Variants in WDR7 observed in about 807,000 individuals in gnomAD.
The protein encoded by WDR7 is WD repeat domain 7, also known as WD repeat-containing protein 7.
In WDR7, 46 loss-of-function variants were observed where a neutral mutation model predicts 169.4. That is an observed-to-expected ratio of 0.27 (90% CI 0.21 to 0.35). WDR7 has a LOEUF of 0.35. Ranked by LOEUF, WDR7 falls within the 10% of genes least tolerant of loss-of-function variation. The pLI is 1.00. For missense variants in WDR7, 1,534 were observed against 1,859.3 expected (o/e 0.83, Z 3.22); for synonymous variants, 612 against 666.8 (o/e 0.92, Z 1.27).
intron 19 of WDR7, among the ~76,000 whole-genome samples, chr18:56,788,578 T>G (rs1183903811): frequency 6.6e-6 from 1 of 152,160 alleles, no homozygotes; most frequent in African/African-American, 2.4e-5. Flanking sequence ...CTGTCCCTCT[T>G]GGTTCCTCAC....
intron 18 of WDR7, among the ~76,000 whole-genome samples, chr18:56,780,536 A>G (rs1342178051): frequency 3.9e-5 from 6 of 152,168 alleles, no homozygotes; most frequent in African/African-American, 1.4e-4. Flanking sequence ...AAGAGTTAAT[A>G]GGCCGGGTGA....
At chr18:56,875,250 A>G (rs1157978739) in intron 20 of WDR7, among the ~76,000 whole-genome samples, 2 of 152,148 alleles carry the variant, frequency 1.3e-5, no homozygotes, top group East Asian at 3.9e-4. Context: ...TCTTTCTGCC[A>G]TATTTCCATC....
At chr18:56,788,082 T>A (rs973640616) in intron 19 of WDR7, among the ~76,000 whole-genome samples, 1 of 152,216 alleles carries the variant, frequency 6.6e-6, no homozygotes, top group African/African-American at 2.4e-5. Context: ...AATGGTTTTC[T>A]AGATGACTAA....
At chr18:56,773,163 G>A (rs964727745) in intron 16 of WDR7, among the ~76,000 whole-genome samples, 11 of 152,084 alleles carry the variant, frequency 7.2e-5, no homozygotes, top group African/African-American at 2.4e-4. Context: ...GACATATTTT[G>A]TAGATTAATT....
chr18:56,783,597 G>T (rs755565625), intron 19 of WDR7, among the ~76,000 whole-genome samples: 7 of 152,134 alleles, frequency 4.6e-5, no homozygotes, highest in Non-Finnish European at 7.4e-5. Context: ...AAATGGACTC[G>T]TGTGAAGTAG....
chr18:56,691,366 G>A lies in WDR7; in HGVS notation c.863+5G>A, dbSNP rs780494364. 6.3e-7 allele frequency: 1 copy of A among 1,581,346 alleles called. No individual in the cohort carries two copies. The highest frequency in any genetic ancestry group is 1.4e-5 in the African/African-American group (1 of 72,542). On this transcript the variant is annotated splice_donor_5th_base_variant and intron_variant, in intron 8 of 27. Coordinates refer to ENST00000254442, the MANE Select transcript of WDR7 (RefSeq NM_015285.3). The stretch of plus-strand genomic sequence containing the variant: ...TATTTACAAACTACCTGCCAGGTAT[G>A]CAGCAAGTAATAAATTAGGACAGTC...
At position 56,938,695 on chromosome 18, in the gene WDR7, T is replaced by G; in HGVS notation, c.3981+13T>G. On this transcript the variant is annotated intron_variant, in intron 24 of 27. Coordinates refer to ENST00000254442, the MANE Select transcript of WDR7 (RefSeq NM_015285.3). ...TCTTCTCGTGGAGGTAAGAATATCC[T>G]GTTTTAAATGATCCATCAGCAACCT... 6.2e-7 allele frequency: 1 copy of G among 1,612,222 alleles called. No individual in the cohort carries two copies.
chr18:56,787,412 C>T (rs2145098700), intron 19 of WDR7, among the ~76,000 whole-genome samples: 1 of 152,208 alleles, frequency 6.6e-6, no homozygotes, highest in East Asian at 1.9e-4. Context: ...AAAGAGGGTG[C>T]CGTTGTAATT....
At chr18:56,701,293 A>G (rs897292828) in intron 12 of WDR7, among the ~76,000 whole-genome samples, 1 of 152,184 alleles carries the variant, frequency 6.6e-6, no homozygotes, top group African/African-American at 2.4e-5. Context: ...TGACTTCTTG[A>G]GAGGTGTTGG....
chr18:56,845,201 A>G (rs1438631384), intron 20 of WDR7, among the ~76,000 whole-genome samples: 2 of 152,164 alleles, frequency 1.3e-5, no homozygotes, highest in African/African-American at 4.8e-5. Context: ...TATTTACAAA[A>G]AGGGATCTTT....
intron 12 of WDR7, among the ~76,000 whole-genome samples, chr18:56,704,694 C>T (rs2025909350): frequency 6.6e-6 from 1 of 152,132 alleles, no homozygotes; most frequent in Non-Finnish European, 1.5e-5. Flanking sequence ...GCCCCTTTAA[C>T]AGTAATGAGA....
At chr18:57,003,763 C>T (rs906420538) in intron 26 of WDR7, among the ~76,000 whole-genome samples, 5 of 151,982 alleles carry the variant, frequency 3.3e-5, no homozygotes, top group Non-Finnish European at 7.4e-5. Context: ...CAGAAAATCA[C>T]GGGGCCCTTT....
In WDR7 at chr18:56,985,984, T is replaced by A. The variant is rs369808839; in HGVS notation, c.4164+23455T>A. 5.3e-5 allele frequency among the ~76,000 whole-genome samples: 8 copies of A among 152,208 alleles called. No individual in the cohort carries two copies. In the East Asian group the frequency reaches 1.3e-3, roughly 26 times the overall value. On this transcript the variant is annotated intron_variant, in intron 26 of 27. Transcript: ENST00000254442. The stretch of plus-strand genomic sequence containing the variant: ...GTGTTGGACATTTTTATAGGAAAGA[T>A]AGGTCACAAATTAGGTTAATATAAT...
intron 2 of WDR7, among the ~76,000 whole-genome samples, chr18:56,673,361 TTTAAA>T (rs1316240362): frequency 6.6e-6 from 1 of 152,216 alleles, no homozygotes; most frequent in Non-Finnish European, 1.5e-5. Flanking sequence ...AAGGTGATTT[TTTAAA>T]TTACTTTTTT....
At chr18:56,973,795 C>T (rs1421418904) in intron 26 of WDR7, among the ~76,000 whole-genome samples, 7 of 152,282 alleles carry the variant, frequency 4.6e-5, no homozygotes, top group Non-Finnish European at 8.8e-5. Context: ...TCAAATGGAA[C>T]TTCAGATAGA....
At chr18:57,012,436 G>A (rs144827107) in intron 26 of WDR7, among the ~76,000 whole-genome samples, 55 of 145,494 alleles carry the variant, frequency 3.8e-4, no homozygotes, top group African/African-American at 1.3e-3. Context: ...ATGCCACATG[G>A]GGTTGGGAGT....
intron 12 of WDR7, among the ~76,000 whole-genome samples, chr18:56,699,021 TAAAATG>T (rs2025767023): frequency 6.6e-6 from 1 of 151,814 alleles, no homozygotes; most frequent in Non-Finnish European, 1.5e-5. Context: ...CCCCTGAACT[TAAAATG>T]AAAGTTAAAT....
At chr18:56,677,661 T>G (rs1322483252) in intron 2 of WDR7, among the ~76,000 whole-genome samples, 1 of 152,156 alleles carries the variant, frequency 6.6e-6, no homozygotes, top group Non-Finnish European at 1.5e-5. Context: ...CAGTGTATGT[T>G]GTGTCTTTTC....
chr18:56,754,257 G>C (rs1012940702), intron 14 of WDR7, among the ~76,000 whole-genome samples: 11 of 114,954 alleles, frequency 9.6e-5, no homozygotes, highest in Admixed American at 9.4e-4. Context: ...TTGTGTGTGT[G>C]TGTGTGTGTG....
Sources: allele counts gnomAD v4.1 joint callset (sites outside exome capture counted in the v4.1 genomes callset), GRCh38; gene constraint gnomAD v4.1.1; transcripts MANE v1.5; gene names NCBI Gene and HGNC (gene_info 2026-07-23, HGNC 2026-07-21).